The following TOX variants were observed in gnomAD, a reference collection of about 807,000 sequenced individuals.
The protein encoded by TOX is thymocyte selection-associated high mobility group box protein TOX.
TOX carries 11 observed loss-of-function variants against 53.7 expected under a neutral mutation model. That is an observed-to-expected ratio of 0.20 (90% CI 0.13 to 0.34). The LOEUF (loss-of-function observed/expected upper bound fraction) is 0.34. TOX is among the 10% of genes least tolerant of loss of function. The probability of loss-of-function intolerance (pLI) is 1.00; values close to 1 mark genes in which losing one functional copy is unlikely to be tolerated. For missense variants in TOX, 570 were observed against 664.6 expected, an observed-to-expected ratio of 0.86 and a Z score of 1.56; for synonymous variants, 225 against 245.3, an observed-to-expected ratio of 0.92 and a Z score of 0.77.
intron 6 of TOX, among the ~76,000 whole-genome samples, chr8:58,817,265 T>A (rs755379962): frequency 6.6e-6 from 1 of 152,190 alleles, no homozygotes; most frequent in South Asian, 2.1e-4. Context: ...GGAACAAACA[T>A]ATAGACTCCC....
At chr8:59,061,073 CA>C (rs1467918744) in intron 1 of TOX, among the ~76,000 whole-genome samples, 2 of 152,144 alleles carry the variant, frequency 1.3e-5, no homozygotes, top group East Asian at 3.9e-4. Flanking sequence ...AATAAGTCAG[CA>C]AAGATTACAG....
intron 1 of TOX, among the ~76,000 whole-genome samples, chr8:59,029,862 T>C (rs1023922797): frequency 6.6e-6 from 1 of 152,160 alleles, no homozygotes. Context: ...ATTCAGATGT[T>C]CAGCCTATTT....
chr8:59,108,705 A>G (rs1262627837), intron 1 of TOX, among the ~76,000 whole-genome samples: 1 of 151,914 alleles, frequency 6.6e-6, no homozygotes, highest in East Asian at 1.9e-4. Flanking sequence ...CAAGGTTATC[A>G]AAAGAGTAAC....
chr8:59,065,351 CG>C (rs944574216), intron 1 of TOX, among the ~76,000 whole-genome samples: 1 of 152,038 alleles, frequency 6.6e-6, no homozygotes, highest in African/African-American at 2.4e-5. Context: ...TACAATTGCA[CG>C]TTACTTCAGT....
rs1452629406 is a variant in TOX at position 58,807,738 on chromosome 8, T to C, written c.*9A>G. ...AATTCCTCAGTGGAAAGAAGAGGTG[T>C]TCAGATTCTCAAGTAAGGTACAGTG... On this transcript the variant is annotated 3_prime_UTR_variant, in exon 9 of 9. Transcript: ENST00000361421. 5.0e-6 allele frequency: 8 copies of C among 1,613,956 alleles called. No individual in the cohort carries two copies. The highest frequency in any genetic ancestry group is 1.7e-5 in the Admixed American group (1 of 60,002).
At chr8:58,858,019 C>T (rs767358053) in intron 3 of TOX, among the ~76,000 whole-genome samples, 1 of 152,182 alleles carries the variant, frequency 6.6e-6, no homozygotes, top group African/African-American at 2.4e-5. Flanking sequence ...ATCCACCCAC[C>T]TCGGCCTCCC....
In TOX at chr8:58,851,219, C is replaced by A. The variant is rs1810814927; in HGVS notation, c.693+305G>T. ...CACACACACACACACACACGACCTTCATTGTACCCCAGTATACTGCCTTCT... is the reference window on the plus strand; with the variant it reads ...CACACACACACACACACACGACCTTAATTGTACCCCAGTATACTGCCTTCT... On this transcript the variant is annotated intron_variant, in intron 4 of 8. Coordinates refer to ENST00000361421, the MANE Select transcript of TOX (RefSeq NM_014729.3). This position sits in a 1 kb window ranked among gnomAD's most constrained non-coding sequence, Gnocchi z 4.4. Among the ~76,000 whole-genome samples, 1 of 146,848 alleles carries A rather than the reference C, an allele frequency of 6.8e-6. No individual in the cohort carries two copies.
At chr8:59,054,607 A>C (rs1338718912) in intron 1 of TOX, among the ~76,000 whole-genome samples, 1 of 152,210 alleles carries the variant, frequency 6.6e-6, no homozygotes, top group Admixed American at 6.5e-5. Flanking sequence ...CAGGAACAAC[A>C]ATTAAAAAAA....
At chr8:58,873,891 A>T (rs897138569) in intron 3 of TOX, among the ~76,000 whole-genome samples, 2 of 140,368 alleles carry the variant, frequency 1.4e-5, no homozygotes, top group South Asian at 4.3e-4. Context: ...GGCAGAGACC[A>T]GAGATTTCCT....
chr8:58,924,414 T>A (rs2129175052), intron 3 of TOX, among the ~76,000 whole-genome samples: 1 of 152,350 alleles, frequency 6.6e-6, no homozygotes, highest in East Asian at 1.9e-4. Context: ...CACTCGAAGA[T>A]TCTCAAAGCC....
At position 58,851,866 on chromosome 8, in the gene TOX, A is replaced by C. The variant is rs887171391; in HGVS notation, c.412-61T>G. ...AAATAAATAGGAAAGGAGTAATTTT[A>C]ACAAATATGTTTTGGGCAAAAAAGT... On this transcript the variant is annotated intron_variant, in intron 3 of 8. Coordinates refer to ENST00000361421, the MANE Select transcript of TOX (RefSeq NM_014729.3). The surrounding 1 kb of genome is among the most constrained non-coding windows in gnomAD (Gnocchi z 4.4). 7 of 1,241,348 alleles carry C rather than the reference A, an allele frequency of 5.6e-6. No homozygotes were observed. The African/African-American group carries it at 1.1e-4, about 19-fold the overall frequency. 76.9% of individuals were successfully genotyped at this position (1,241,348 alleles called of 1,614,324 possible). A position where few individuals can be genotyped will look rare whatever the true frequency, so the allele number is the denominator to read the frequency against.
intron 3 of TOX, among the ~76,000 whole-genome samples, chr8:58,890,587 G>T (rs1008502534): frequency 2.0e-5 from 3 of 152,120 alleles, no homozygotes; most frequent in African/African-American, 7.2e-5. Context: ...GGAGGAAAGG[G>T]CAACAGTGTC....
chr8:58,849,092 C>T (rs1448638202), intron 4 of TOX, among the ~76,000 whole-genome samples: 1 of 151,946 alleles, frequency 6.6e-6, no homozygotes, highest in Non-Finnish European at 1.5e-5. Context: ...ATGAAGAATG[C>T]TTTAACATTT....
rs1214189513 is a variant in TOX at position 58,884,553 on chromosome 8, T to C, written c.412-32748A>G. On this transcript the variant is annotated intron_variant, in intron 3 of 8. Coordinates refer to ENST00000361421, the MANE Select transcript of TOX (RefSeq NM_014729.3). ...ATAGACTGTCAAAGAGCTTTGCAGG[T>C]ATAAGAAGGCTCTTTCTGGTGCTTC... Among the ~76,000 whole-genome samples, 6 of 152,164 alleles carry C rather than the reference T, an allele frequency of 3.9e-5. No individual in the cohort carries two copies. In the East Asian group the frequency reaches 1.2e-3, roughly 29 times the overall value.
intron 3 of TOX, among the ~76,000 whole-genome samples, chr8:58,918,842 G>A (rs1429413327): frequency 6.8e-6 from 1 of 146,690 alleles, no homozygotes; most frequent in African/African-American, 2.6e-5. Context: ...AAGCTGATAA[G>A]CAACTTCAGC....
intron 4 of TOX, among the ~76,000 whole-genome samples, chr8:58,840,080 T>G (rs892019837): frequency 2.0e-5 from 3 of 152,210 alleles, no homozygotes; most frequent in Non-Finnish European, 4.4e-5. Flanking sequence ...AATAATTCAC[T>G]GAATGGGTGG....
At chr8:58,898,287 C>T (rs111754145) in intron 3 of TOX, among the ~76,000 whole-genome samples, 2,404 of 92,620 alleles carry the variant, frequency 0.026, 75 homozygotes, top group African/African-American at 0.1. Context: ...TTTACACCTT[C>T]GCAAAATATT....
chr8:58,894,845 G>A (rs1811614648), intron 3 of TOX, among the ~76,000 whole-genome samples: 1 of 151,900 alleles, frequency 6.6e-6, no homozygotes, highest in Non-Finnish European at 1.5e-5. Context: ...GCAGTGAGCC[G>A]AGATCGCGCC....
At chr8:58,875,195 C>T (rs1811264378) in intron 3 of TOX, among the ~76,000 whole-genome samples, 1 of 152,110 alleles carries the variant, frequency 6.6e-6, no homozygotes, top group African/African-American at 2.4e-5. Flanking sequence ...TGTGGGAGGC[C>T]AACTAAGGAG....
Sources: gnomAD v4.1 joint callset for allele counts (sites outside exome capture counted in the v4.1 genomes callset) on GRCh38, gnomAD v4.1.1 for gene constraint, Gnocchi (gnomAD v3.1) non-coding constraint, MANE v1.5 for transcripts, NCBI Gene and HGNC (gene_info 2026-07-23, HGNC 2026-07-21) for gene names.